EXOC2: variants seen among roughly 807,000 people sequenced by gnomAD.
EXOC2 encodes the protein exocyst complex component 2.
EXOC2 carries 70 observed loss-of-function variants against 131.8 expected under a neutral mutation model. That is an observed-to-expected ratio of 0.53 (90% confidence interval 0.44 to 0.65). The LOEUF is 0.65. Ranked by LOEUF, EXOC2 falls within the 30% of genes least tolerant of loss-of-function variation. EXOC2 has a pLI of 0.00. For missense variants in EXOC2, 923 were observed against 1,108.6 expected, an observed-to-expected ratio of 0.83 and a Z score of 2.38; for synonymous variants, 411 against 398.4, an observed-to-expected ratio of 1.03 and a Z score of -0.38.
intron 23 of EXOC2, among the ~76,000 whole-genome samples, chr6:526,782 C>T (rs925268370): frequency 2.0e-5 from 3 of 152,142 alleles, no homozygotes; most frequent in African/African-American, 7.2e-5. Flanking sequence ...TCTAGCAACA[C>T]AGCACAATGC....
At chr6:563,978 TGG>T (rs1757831092) in intron 16 of EXOC2, 53 bp downstream of exon 16, 1 of 1,588,168 alleles carries the variant, frequency 6.3e-7, no homozygotes, top group Admixed American at 1.8e-5. Flanking sequence ...TGAAAGGAGG[TGG>T]CACATTCAGA....
At chr6:626,840 G>A (rs1035846892) in intron 4 of EXOC2, among the ~76,000 whole-genome samples, 8 of 152,196 alleles carry the variant, frequency 5.3e-5, no homozygotes, top group Non-Finnish European at 1.0e-4. Context: ...TGATCCGCCC[G>A]CCTCGGCCTC....
chr6:587,232 A>C (rs1296026698), intron 11 of EXOC2, among the ~76,000 whole-genome samples: 1 of 151,480 alleles, frequency 6.6e-6, no homozygotes, highest in Non-Finnish European at 1.5e-5. Context: ...CTGTAGATGT[A>C]AATGTAGATA....
intron 10 of EXOC2, among the ~76,000 whole-genome samples, chr6:595,742 G>A (rs1457898686): frequency 6.6e-6 from 1 of 152,030 alleles, no homozygotes; most frequent in Non-Finnish European, 1.5e-5. Flanking sequence ...CAAAGCACAC[G>A]CAGTGAAGGA....
rs560085583 is a variant in EXOC2, at chr6:488,299, C to T, written c.2681+680G>A. On this transcript the variant is annotated intron_variant, in intron 27 of 27. Transcript: ENST00000230449. ...CAGTCAGTGCACCACATGTGCCTGT[C>T]TATGGGCCCGGCAGCCACGTGCAGG... is the stretch of plus-strand genomic sequence containing the variant. Among the ~76,000 whole-genome samples, 4 of 152,270 alleles carry T rather than the reference C, an allele frequency of 2.6e-5. No homozygotes were observed. In the East Asian group the frequency reaches 7.7e-4, roughly 29 times the overall value.
Position 517,197 on chromosome 6 carries a change from A to G in EXOC2, c.2380+15272T>C, listed in dbSNP as rs1765208584. On this transcript the variant is annotated intron_variant, in intron 23 of 27. Coordinates refer to ENST00000230449, the MANE Select transcript of EXOC2 (RefSeq NM_018303.6). ...AGAAGAAGGAAGATGTTCATATTTC[A>G]TATTCCATCAATTCCTCCCAACGGC... Among the ~76,000 whole-genome samples the G allele has an allele frequency of 5.9e-5, 9 of 152,200 alleles. No homozygotes were observed. In the South Asian group the frequency reaches 1.7e-3, roughly 28 times the overall value.
rs758797477 is a variant in EXOC2, at chr6:497,454, T to G, written c.2472A>C (p.Val824=). 1 of 1,613,774 alleles carries G rather than the reference T, an allele frequency of 6.2e-7. No homozygotes were observed. The highest frequency in any genetic ancestry group is 8.5e-7 in the Non-Finnish European group (1 of 1,179,804). The change falls in exon 25 of 28, where the codon GTA becomes GTC. Residue 824 remains valine, a synonymous_variant. Transcript: ENST00000230449. Reference sequence around the variant, plus strand: ...AAACTGCTTCTATCACCTTGGATAGTACCCGAGGGACCAGTTCTTTGGAAA... The same window carrying G: ...AAACTGCTTCTATCACCTTGGATAGGACCCGAGGGACCAGTTCTTTGGAAA... ...FTISKELVPR[V]LSKVIEAVSE...
intron 1 of EXOC2, among the ~76,000 whole-genome samples, chr6:649,125 A>G (rs1762717504): frequency 2.6e-5 from 4 of 152,142 alleles, no homozygotes; most frequent in Admixed American, 2.0e-4. Flanking sequence ...TCTGGCTTCC[A>G]GTGATCCTCC....
chr6:584,614 C>A (rs1269017836), intron 11 of EXOC2, among the ~76,000 whole-genome samples: 1 of 152,196 alleles, frequency 6.6e-6, no homozygotes, highest in African/African-American at 2.4e-5. Context: ...TGTGAAGACT[C>A]GAAATAAACC....
chr6:594,374 C>T lies in EXOC2; in HGVS notation c.1074-1787G>A, dbSNP rs553364429. ...CTATGCTTTCTTGCTGGGGATGATGCATTTCAGCGTTCTCCCTAAATAGGC... is the reference window on the plus strand; with the variant it reads ...CTATGCTTTCTTGCTGGGGATGATGTATTTCAGCGTTCTCCCTAAATAGGC... On this transcript the variant is annotated intron_variant, in intron 10 of 27. Coordinates refer to ENST00000230449, the MANE Select transcript of EXOC2 (RefSeq NM_018303.6). 9.2e-5 allele frequency among the ~76,000 whole-genome samples: 14 copies of T among 152,314 alleles called. No homozygotes were observed. The Middle Eastern group carries it at 0.017, about 186-fold the overall frequency.
intron 23 of EXOC2, among the ~76,000 whole-genome samples, chr6:530,883 C>T (rs1399129421): frequency 6.6e-6 from 1 of 152,212 alleles, no homozygotes; most frequent in Non-Finnish European, 1.5e-5. Context: ...CTTGTCATGA[C>T]TCCCTAAATG....
intron 25 of EXOC2, among the ~76,000 whole-genome samples, chr6:494,773 T>C (rs1387603115): frequency 6.6e-6 from 1 of 152,280 alleles, no homozygotes; most frequent in Non-Finnish European, 1.5e-5. Flanking sequence ...CAGTAATTTA[T>C]TCTCTTTAAT....
rs1028972232 is a variant in EXOC2 at position 506,252 on chromosome 6, C to T, written c.2381-6552G>A. ...TTAGGTATTTGCTGAATGCTCCGCACGTGCTGGATATTAGGAAGATGTCCA... is the reference window on the plus strand; with the variant it reads ...TTAGGTATTTGCTGAATGCTCCGCATGTGCTGGATATTAGGAAGATGTCCA... On this transcript the variant is annotated intron_variant, in intron 23 of 27. Coordinates refer to ENST00000230449, the MANE Select transcript of EXOC2 (RefSeq NM_018303.6). This position sits in a 1 kb window ranked among gnomAD's most constrained non-coding sequence, Gnocchi z 4.4. Among the ~76,000 whole-genome samples the T allele has an allele frequency of 5.9e-5, 9 of 152,200 alleles. No individual in the cohort carries two copies. Among genetic ancestry groups the T allele is most frequent in the Non-Finnish European group, 8.8e-5 (6 of 68,044 alleles).
At chr6:629,775 G>A in intron 4 of EXOC2, 60 bp downstream of exon 4, 2 of 1,586,782 alleles carry the variant, frequency 1.3e-6, no homozygotes, top group Non-Finnish European at 8.6e-7. Context: ...TTTCCTGTAA[G>A]TATATAAAAC....
chr6:554,050 T>TC (rs1757290069), intron 20 of EXOC2, 130 bp from the exon 21 acceptor site: 1 of 766,252 alleles, frequency 1.3e-6, no homozygotes, highest in African/African-American at 1.8e-5. Flanking sequence ...CATAACTTTT[T>TC]TTTTTTTGAG....
intron 6 of EXOC2, among the ~76,000 whole-genome samples, chr6:617,474 A>C (rs76632889): frequency 0.032 from 4,926 of 152,376 alleles, 130 homozygotes; most frequent in Non-Finnish European, 0.054. Context: ...CAGAGAGTTA[A>C]AGTAGTCTCC....
At chr6:527,795 ATTAAG>A (rs1765830754) in intron 23 of EXOC2, among the ~76,000 whole-genome samples, 1 of 152,242 alleles carries the variant, frequency 6.6e-6, no homozygotes, top group Non-Finnish European at 1.5e-5. Flanking sequence ...ATAGAAAATG[ATTAAG>A]TTTAGATTCA....
chr6:564,453 A>G (rs1016463298), intron 15 of EXOC2, 92 bp downstream of exon 15: 3 of 1,511,500 alleles, frequency 2.0e-6, no homozygotes, highest in Non-Finnish European at 1.8e-6. Context: ...GAAGAAAAAG[A>G]AGAATTTCTT....
Position 631,499 on chromosome 6 carries a change from G to A in EXOC2, c.295+1442C>T, listed in dbSNP as rs147484771. 3.0e-4 allele frequency among the ~76,000 whole-genome samples: 46 copies of A among 151,726 alleles called. No individual in the cohort carries two copies. The East Asian group carries it at 8.3e-3, about 27-fold the overall frequency. ...GTTGCAGTAAGCCAAGATTGAGATC[G>A]CGCCATTGCACTCCAGCATGGGCGA... is the stretch of plus-strand genomic sequence containing the variant. On this transcript the variant is annotated intron_variant, in intron 3 of 27. Transcript: ENST00000230449.
Sources: gnomAD v4.1 joint callset for allele counts (sites outside exome capture counted in the v4.1 genomes callset) on GRCh38, gnomAD v4.1.1 for gene constraint, Gnocchi (gnomAD v3.1) non-coding constraint, MANE v1.5 for transcripts, NCBI Gene and HGNC (gene_info 2026-07-23, HGNC 2026-07-21) for gene names.